Variants in FCHSD2 observed in about 807,000 individuals in gnomAD.
The protein encoded by FCHSD2 is FCH and double SH3 domains 2.
A neutral mutation model predicts 108.1 loss-of-function variants in FCHSD2; 38 were observed. That is an observed-to-expected ratio of 0.35 (90% CI 0.27 to 0.46). The LOEUF (loss-of-function observed/expected upper bound fraction) is 0.46, where lower values mean the gene tolerates loss of function less well. FCHSD2 is among the 20% of genes least tolerant of loss of function. FCHSD2 has a pLI of 1.00. For missense variants in FCHSD2, 751 were observed against 897.8 expected, an observed-to-expected ratio of 0.84 and a Z score of 2.09; for synonymous variants, 279 against 314.7, an observed-to-expected ratio of 0.89 and a Z score of 1.20.
chr11:73,007,452 C>T (rs1228645943), intron 4 of FCHSD2, among the ~76,000 whole-genome samples: 1 of 151,996 alleles, frequency 6.6e-6, no homozygotes, highest in Non-Finnish European at 1.5e-5. Flanking sequence ...AAAACCTCAT[C>T]TCTACAAAAA....
chr11:73,053,862 T>C (rs1462115208), intron 3 of FCHSD2, among the ~76,000 whole-genome samples: 1 of 152,218 alleles, frequency 6.6e-6, no homozygotes, highest in Admixed American at 6.5e-5. Context: ...TTTTTCCCTA[T>C]GTATGACCAT....
chr11:72,863,008 G>C (rs1854634868), intron 13 of FCHSD2, among the ~76,000 whole-genome samples: 1 of 152,058 alleles, frequency 6.6e-6, no homozygotes, highest in Non-Finnish European at 1.5e-5. Flanking sequence ...CTGTAACCTT[G>C]AACTTCTGGG....
chr11:73,020,440 T>C (rs1240517610), intron 3 of FCHSD2, among the ~76,000 whole-genome samples: 2 of 152,264 alleles, frequency 1.3e-5, no homozygotes, highest in African/African-American at 4.8e-5. Flanking sequence ...ATATTCTTTA[T>C]ATACTATACC....
intron 8 of FCHSD2, among the ~76,000 whole-genome samples, chr11:72,958,929 G>C (rs1376814188): frequency 6.6e-6 from 1 of 151,914 alleles, no homozygotes; most frequent in East Asian, 1.9e-4. Flanking sequence ...GAATAGATAA[G>C]TCTCTCAATT....
At chr11:72,880,095 C>CA (rs1202622556) in intron 12 of FCHSD2, among the ~76,000 whole-genome samples, 3 of 149,780 alleles carry the variant, frequency 2.0e-5, no homozygotes, top group South Asian at 4.2e-4. Context: ...AAAAACCACC[C>CA]AAAAAACAAA....
At chr11:72,957,595 A>G (rs1188112047) in intron 8 of FCHSD2, among the ~76,000 whole-genome samples, 1 of 151,328 alleles carries the variant, frequency 6.6e-6, no homozygotes, top group African/African-American at 2.4e-5. Context: ...CAGAAATAAA[A>G]AAGATATTTT....
intron 2 of FCHSD2, among the ~76,000 whole-genome samples, chr11:73,137,513 G>A (rs1026112459): frequency 1.3e-5 from 2 of 152,042 alleles, no homozygotes; most frequent in African/African-American, 2.4e-5. Flanking sequence ...GAAAAAATAA[G>A]ATACATTTAA....
intron 3 of FCHSD2, among the ~76,000 whole-genome samples, chr11:73,081,490 T>C (rs1004845343): frequency 6.6e-6 from 1 of 152,120 alleles, no homozygotes; most frequent in Non-Finnish European, 1.5e-5. Flanking sequence ...AAAATTTTGA[T>C]TTTGTATTAA....
chr11:73,112,181 T>C (rs1860501385), intron 2 of FCHSD2, among the ~76,000 whole-genome samples: 1 of 152,210 alleles, frequency 6.6e-6, no homozygotes, highest in Non-Finnish European at 1.5e-5. Context: ...AGGTCTGGTG[T>C]TGATGAAATT....
intron 3 of FCHSD2, among the ~76,000 whole-genome samples, chr11:73,069,238 G>C (rs1346357299): frequency 6.7e-6 from 1 of 148,260 alleles, no homozygotes; most frequent in Admixed American, 6.8e-5. Flanking sequence ...TTGAACCATG[G>C]AGGCAGAGGT....
At chr11:72,970,976 G>A (rs975538594) in intron 8 of FCHSD2, among the ~76,000 whole-genome samples, 3 of 152,154 alleles carry the variant, frequency 2.0e-5, no homozygotes, top group Admixed American at 1.3e-4. Flanking sequence ...AATGAGAAAC[G>A]TGAGATAGCA....
At chr11:72,863,784 C>A (rs914373956) in intron 13 of FCHSD2, among the ~76,000 whole-genome samples, 24 of 152,148 alleles carry the variant, frequency 1.6e-4, no homozygotes, top group Non-Finnish European at 2.9e-4. Flanking sequence ...CAATGATTTA[C>A]AACATCACAC....
intron 16 of FCHSD2, 117 bp downstream of exon 16, chr11:72,843,034 A>G: frequency 9.6e-7 from 1 of 1,036,842 alleles, no homozygotes; most frequent in Middle Eastern, 2.7e-4. Context: ...TATAAAGAAA[A>G]GCATATTATA....
At position 72,849,855 on chromosome 11, in the gene FCHSD2, T is replaced by C; in HGVS notation, c.1343A>G (p.Glu448Gly). 6.2e-7 allele frequency: 1 copy of C among 1,613,480 alleles called. No homozygotes were observed. Reference sequence around the variant, plus strand: ...GAAAACATCCATGTTATCTTCAAACTCTTCGCCTTCTTCTCTTTCGGTATC... The same window carrying C: ...GAAAACATCCATGTTATCTTCAAACCCTTCGCCTTCTTCTCTTTCGGTATC... ...NADTEREEGEEFEDNMDVFDD... is the reference protein window; with the variant it reads ...NADTEREEGEGFEDNMDVFDD... Residue 448 changes from glutamate (E) to glycine (G), a missense_variant, in exon 14 of 20, where the codon GAG (glutamate) becomes GGG (glycine). Transcript: ENST00000409418.
At chr11:72,919,138 A>G (rs1434072896) in intron 9 of FCHSD2, among the ~76,000 whole-genome samples, 1 of 152,172 alleles carries the variant, frequency 6.6e-6, no homozygotes, top group Admixed American at 6.5e-5. Flanking sequence ...AAAAATCTAA[A>G]AAGTGTCAAA....
chr11:72,989,192 G>A (rs1026430491), intron 5 of FCHSD2, 95 bp from the exon 6 acceptor site: 1 of 907,572 alleles, frequency 1.1e-6, no homozygotes, highest in Admixed American at 3.1e-5. Flanking sequence ...CCTTCAGGAT[G>A]GAAATCCAGG....
rs11235637 is a variant in FCHSD2 at position 73,024,207 on chromosome 11, C to T, written c.166-8322G>A. ...GGTTGGGGGAACCGAAGATAGAATG[C>T]AGACTGTGACAAATCCAATTGTATT... On this transcript the variant is annotated intron_variant, in intron 3 of 19. Coordinates refer to ENST00000409418, the MANE Select transcript of FCHSD2 (RefSeq NM_014824.3). 5.3e-5 allele frequency among the ~76,000 whole-genome samples: 8 copies of T among 152,092 alleles called. No homozygotes were observed. The East Asian group carries it at 1.5e-3, about 29-fold the overall frequency.
chr11:72,865,305 T>C (rs1256709502), intron 13 of FCHSD2, among the ~76,000 whole-genome samples: 1 of 152,216 alleles, frequency 6.6e-6, no homozygotes, highest in African/African-American at 2.4e-5. Flanking sequence ...AAAAGCAGAT[T>C]AAATAAATAT....
At chr11:72,916,968 CTTTTTTTTTTTT>C (rs71062793) in intron 9 of FCHSD2, among the ~76,000 whole-genome samples, 2 of 118,800 alleles carry the variant, frequency 1.7e-5, no homozygotes, top group African/African-American at 6.5e-5. Context: ...GAACTTCATT[CTTTTTTTTTTTT>C]TTTTTTTTTT....
Sources: allele counts gnomAD v4.1 joint callset (sites outside exome capture counted in the v4.1 genomes callset), GRCh38; gene constraint gnomAD v4.1.1; transcripts MANE v1.5; gene names NCBI Gene and HGNC (gene_info 2026-07-23, HGNC 2026-07-21).